Variants in DPY19L2 observed in about 807,000 individuals in gnomAD.
DPY19L2 encodes the protein probable C-mannosyltransferase DPY19L2.
A neutral mutation model predicts 97.9 loss-of-function variants in DPY19L2; 34 were observed. The observed-to-expected ratio is 0.35, with a 90% CI of 0.26 to 0.46. DPY19L2 has a LOEUF of 0.46. Ranked by LOEUF, DPY19L2 falls within the 20% of genes least tolerant of loss-of-function variation. The pLI is 1.00. For missense variants in DPY19L2, 623 were observed against 911.4 expected, an observed-to-expected ratio of 0.68 and a Z score of 4.07; for synonymous variants, 230 against 307.9, an observed-to-expected ratio of 0.75 and a Z score of 2.65.
upstream of DPY19L2, chr12:63,668,695 C>T (rs1198063205): frequency 5.4e-6 from 2 of 371,092 alleles, no homozygotes; most frequent in African/African-American, 2.1e-5. Context: ...GCCCCCCACA[C>T]CCTCCCCAGC....
At chr12:63,649,697 GCCA>G (rs1468137585) in intron 4 of DPY19L2, among the ~76,000 whole-genome samples, 1 of 152,054 alleles carries the variant, frequency 6.6e-6, no homozygotes, top group African/African-American at 2.4e-5. Flanking sequence ...AAGCCTACCA[GCCA>G]GAAAAAGCCC....
At position 63,594,967 on chromosome 12, in the gene DPY19L2, C is replaced by A. The variant is rs149402032; in HGVS notation, c.1534-834G>T. Among the ~76,000 whole-genome samples, 900 of 152,174 alleles carry A rather than the reference C, an allele frequency of 5.9e-3. 2 individuals are homozygous for A. The highest frequency in any genetic ancestry group is 0.021 in the African/African-American group (863 of 41,474). Reference sequence around the variant, plus strand: ...GGCCGAAAGGATGCAGGGCGGTAAACCTGCTCACATTTTACTCATTCCTCC... The same window carrying A: ...GGCCGAAAGGATGCAGGGCGGTAAAACTGCTCACATTTTACTCATTCCTCC... On this transcript the variant is annotated intron_variant, in intron 15 of 21. Transcript: ENST00000324472.
intron 6 of DPY19L2, among the ~76,000 whole-genome samples, chr12:63,630,096 C>A (rs1357790445): frequency 1.3e-5 from 2 of 152,138 alleles, no homozygotes; most frequent in African/African-American, 4.8e-5. Context: ...CAACTGGTAC[C>A]AGCCACTGCT....
intron 21 of DPY19L2, 124 bp from the exon 22 acceptor site, chr12:63,560,786 T>C: frequency 7.4e-7 from 1 of 1,358,444 alleles, no homozygotes; most frequent in South Asian, 1.5e-5. Flanking sequence ...TAAAGCGTCA[T>C]TTCAAAAAAC....
rs201845477 is a variant in DPY19L2, at chr12:63,560,589, C to T, written c.2200G>A (p.Val734Ile). Residue 734 changes from valine (V) to isoleucine (I), a missense_variant, in exon 22 of 22, where the codon GTC becomes ATC. By Grantham distance (29) the Val-to-Ile change is conservative. Transcript: ENST00000324472. Reference protein sequence around the residue: ...SNAANPPLCSVLLEDARPYFT... With the variant: ...SNAANPPLCSILLEDARPYFT... ...TAAGGCCTGGCGTCTTCGAGCAGGA[C>T]GCTACATAAGGGAGGGTTAGCTGCA... The T allele has an allele frequency of 8.1e-6, 13 of 1,613,960 alleles. No homozygotes were observed. Among genetic ancestry groups the T allele is most frequent in the South Asian group, 2.2e-5 (2 of 91,082 alleles).
At chr12:63,571,172 G>A (rs990808112) in intron 19 of DPY19L2, among the ~76,000 whole-genome samples, 2 of 152,048 alleles carry the variant, frequency 1.3e-5, no homozygotes, top group African/African-American at 4.8e-5. Flanking sequence ...GAGGGGTCTG[G>A]GTTGTGCACT....
At chr12:63,640,438 G>A (rs1892519164) in intron 6 of DPY19L2, among the ~76,000 whole-genome samples, 1 of 152,154 alleles carries the variant, frequency 6.6e-6, no homozygotes, top group Non-Finnish European at 1.5e-5. Context: ...AGATATCAAT[G>A]TATTTTATAC....
At chr12:63,614,375 A>C (rs1887519434) in intron 11 of DPY19L2, among the ~76,000 whole-genome samples, 1 of 152,162 alleles carries the variant, frequency 6.6e-6, no homozygotes, top group East Asian at 1.9e-4. Flanking sequence ...ATAACGACAT[A>C]AAGACTGGTG....
intron 6 of DPY19L2, among the ~76,000 whole-genome samples, chr12:63,638,793 G>T (rs1380670119): frequency 2.0e-5 from 3 of 152,122 alleles, no homozygotes; most frequent in Non-Finnish European, 4.4e-5. Flanking sequence ...GTAATTTATA[G>T]ATTCAATGCC....
At chr12:63,638,718 G>A (rs190709358) in intron 6 of DPY19L2, among the ~76,000 whole-genome samples, 2 of 152,204 alleles carry the variant, frequency 1.3e-5, no homozygotes, top group East Asian at 3.9e-4. Flanking sequence ...ACAAACAAAT[G>A]GAAAAGCATA....
chr12:63,642,691 T>A lies in DPY19L2; in HGVS notation c.803+1712A>T, dbSNP rs1892868478. On this transcript the variant is annotated intron_variant, in intron 6 of 21. Transcript: ENST00000324472. Reference sequence around the variant, plus strand: ...CTATTGCTGTGCCAATATCATAGTGTCTTTTTACATTAGCTTCATAATACA... The same window carrying A: ...CTATTGCTGTGCCAATATCATAGTGACTTTTTACATTAGCTTCATAATACA... Among the ~76,000 whole-genome samples the A allele has an allele frequency of 3.3e-5, 5 of 152,030 alleles. No homozygotes were observed. The South Asian group carries it at 1.0e-3, about 31-fold the overall frequency.
rs1896561896 is a variant in DPY19L2 at position 63,668,225 on chromosome 12, C to T, written c.169G>A (p.Gly57Arg). 2.5e-6 allele frequency: 4 copies of T among 1,613,936 alleles called. No individual in the cohort carries two copies. The highest frequency in any genetic ancestry group is 1.3e-5 in the African/African-American group (1 of 75,012). Residue 57 changes from glycine (G) to arginine (R), a missense_variant, in exon 1 of 22, where the codon GGG becomes AGG. Physicochemically the swap from Gly to Arg is moderately radical, Grantham distance 125. This residue lies in a region of DPY19L2 where 144 missense variants were observed against 119.4 expected (regional missense o/e 1.21). Coordinates refer to ENST00000324472, the MANE Select transcript of DPY19L2 (RefSeq NM_173812.5). ...CGCTCTTTCAGACTTTGGATCCTCC[C>T]CGGGGAGGACCTCCAGGAGCCCCTT... ...LPRGSWRSSP[G>R]RIQSLKERKG...
At chr12:63,615,203 C>G (rs1483656386) in intron 11 of DPY19L2, among the ~76,000 whole-genome samples, 2 of 152,136 alleles carry the variant, frequency 1.3e-5, no homozygotes, top group Non-Finnish European at 2.9e-5. Flanking sequence ...CACACATATA[C>G]ACAGCCCAAA....
chr12:63,560,706 C>A, intron 21 of DPY19L2, 44 bp from the exon 22 acceptor site: 1 of 1,605,284 alleles, frequency 6.2e-7, no homozygotes, highest in Non-Finnish European at 8.5e-7. Context: ...AAATGTATTG[C>A]TGTCTAGAGA....
At chr12:63,638,639 C>T (rs1231650152) in intron 6 of DPY19L2, among the ~76,000 whole-genome samples, 14 of 152,108 alleles carry the variant, frequency 9.2e-5, no homozygotes, top group Non-Finnish European at 1.9e-4. Context: ...AGGAATCCAA[C>T]TCACAAGGGA....
intron 2 of DPY19L2, among the ~76,000 whole-genome samples, chr12:63,665,472 CA>C (rs760781422): frequency 0.065 from 6,139 of 94,740 alleles, 324 homozygotes; most frequent in African/African-American, 0.2. Context: ...GACTCTGTCT[CA>C]AAAAAAAAAA....
intron 5 of DPY19L2, among the ~76,000 whole-genome samples, chr12:63,646,967 T>G (rs1335704457): frequency 6.6e-6 from 1 of 152,148 alleles, no homozygotes; most frequent in Non-Finnish European, 1.5e-5. Flanking sequence ...AACATCTTTC[T>G]GTATCTTCTC....
chr12:63,560,353 A>T lies in DPY19L2; in HGVS notation c.*159T>A. On this transcript the variant is annotated 3_prime_UTR_variant, in exon 22 of 22. Coordinates refer to ENST00000324472, the MANE Select transcript of DPY19L2 (RefSeq NM_173812.5). ...GCTGACATTCAATGAACAGAAAAGT[A>T]ATTTACCTTTTAGTAATCAGAAAAA... 1 of 855,376 alleles carries T rather than the reference A, an allele frequency of 1.2e-6. No homozygotes were observed. Among genetic ancestry groups the T allele is most frequent in the Non-Finnish European group, 1.7e-6 (1 of 590,660 alleles). 53.0% of individuals were successfully genotyped at this position (855,376 alleles called of 1,614,324 possible).
rs575236704 is a variant in DPY19L2, at chr12:63,593,337, A to T, written c.1580+750T>A. 9.2e-5 allele frequency among the ~76,000 whole-genome samples: 14 copies of T among 152,306 alleles called. No individual in the cohort carries two copies. The South Asian group carries it at 2.3e-3, about 25-fold the overall frequency. On this transcript the variant is annotated intron_variant, in intron 16 of 21. Coordinates refer to ENST00000324472, the MANE Select transcript of DPY19L2 (RefSeq NM_173812.5). ...ATCATGCTGCTATAAAGACACTTGC[A>T]CACGTATGTTTATTGCGGCACTATT...
Sources: allele counts gnomAD v4.1 joint callset (sites outside exome capture counted in the v4.1 genomes callset), GRCh38; gene constraint gnomAD v4.1.1; regional missense constraint gnomAD v4.1.1; transcripts MANE v1.5; gene names NCBI Gene and HGNC (gene_info 2026-07-23, HGNC 2026-07-21).